The following ZNF280C variants were observed in gnomAD, a reference collection of about 807,000 sequenced individuals.
ZNF280C encodes suppressor of hairy wing homolog 3.
ZNF280C carries 14 observed loss-of-function variants against 53.6 expected under a neutral mutation model. The ratio of observed to expected loss-of-function variants is 0.26; its 90% CI spans 0.17 to 0.41. The LOEUF (loss-of-function observed/expected upper bound fraction) is 0.41. Ranked by LOEUF, ZNF280C falls within the 10% of genes least tolerant of loss-of-function variation. The pLI, the probability that ZNF280C is intolerant of heterozygous loss-of-function variation, is 1.00. For missense variants in ZNF280C, 416 were observed against 547.1 expected (o/e 0.76, Z 2.39); for synonymous variants, 203 against 181.1 (o/e 1.12, Z -0.97).
intron 1 of ZNF280C, among the ~76,000 whole-genome samples, chrX:130,265,677 G>A (rs2032680791): frequency 8.9e-6 from 1 of 112,242 alleles, no homozygotes; most frequent in African/African-American, 3.2e-5. Context: ...TGCCAAATCT[G>A]TAAGTATAAT....
chrX:130,246,522 G>GA (rs979221213), intron 3 of ZNF280C, among the ~76,000 whole-genome samples: 7 of 110,772 alleles, frequency 6.3e-5, no homozygotes, highest in Non-Finnish European at 7.6e-5. Flanking sequence ...GTTTAAGGGA[G>GA]AAAAAAAAAT....
intron 10 of ZNF280C, among the ~76,000 whole-genome samples, chrX:130,228,423 A>G (rs965244706): frequency 9.2e-6 from 1 of 109,038 alleles, no homozygotes; most frequent in African/African-American, 3.3e-5. Flanking sequence ...AGCTGGGATT[A>G]CAGGCGTGCG....
intron 13 of ZNF280C, among the ~76,000 whole-genome samples, chrX:130,219,884 C>T (rs2032145473): frequency 1.8e-5 from 2 of 109,655 alleles, no homozygotes; most frequent in South Asian, 7.8e-4. Flanking sequence ...CATCAATCAA[C>T]TAAAAAAAAC....
intron 2 of ZNF280C, among the ~76,000 whole-genome samples, chrX:130,251,621 C>T (rs921717107): frequency 9.0e-6 from 1 of 110,501 alleles, no homozygotes; most frequent in Non-Finnish European, 1.9e-5. Flanking sequence ...TGGGGCCGGG[C>T]GCGGTAGTGG....
chrX:130,230,381 A>C (rs1025290430), intron 9 of ZNF280C, 129 bp downstream of exon 9: 17 of 393,252 alleles, frequency 4.3e-5, no homozygotes, highest in Non-Finnish European at 6.6e-5. Context: ...CAACATGATA[A>C]TCTGCCACTG....
intron 12 of ZNF280C, among the ~76,000 whole-genome samples, chrX:130,222,325 CA>C (rs1261295998): frequency 1.0e-4 from 11 of 107,685 alleles, no homozygotes; most frequent in African/African-American, 2.4e-4. Context: ...CACACACACA[CA>C]CACACCCTTC....
In ZNF280C at chrX:130,229,137, A is replaced by G; in HGVS notation, c.990-3T>C. On this transcript the variant is annotated splice_region_variant and splice_polypyrimidine_tract_variant and intron_variant, in intron 9 of 18. Transcript: ENST00000370978. ...GATGTTTCATGTGGTTCATAAACCT[A>G]CAAACAATTTGCCAGTAAGAGCAAA... 2 of 1,190,660 alleles carry G rather than the reference A, an allele frequency of 1.7e-6. No homozygotes were observed. The highest frequency in any genetic ancestry group is 1.9e-5 in the South Asian group (1 of 53,187).
chrX:130,232,515 A>G (rs973151239), intron 8 of ZNF280C, among the ~76,000 whole-genome samples: 2 of 110,900 alleles, frequency 1.8e-5, no homozygotes, highest in South Asian at 7.7e-4. Context: ...CAAATACACT[A>G]ATTTAAAAAT....
chrX:130,224,110 T>A (rs758392785), intron 12 of ZNF280C, among the ~76,000 whole-genome samples: 1 of 111,892 alleles, frequency 8.9e-6, no homozygotes, highest in South Asian at 3.8e-4. Context: ...AATCCTAATT[T>A]TCAATGTAAT....
At chrX:130,211,417 G>A (rs1253858779) in intron 15 of ZNF280C, among the ~76,000 whole-genome samples, 1 of 111,918 alleles carries the variant, frequency 8.9e-6, no homozygotes, top group African/African-American at 3.2e-5. Flanking sequence ...CAATTTTGAG[G>A]GCCTGTCTTC....
At chrX:130,252,978 C>T (rs1161998437) in intron 2 of ZNF280C, among the ~76,000 whole-genome samples, 4 of 111,597 alleles carry the variant, frequency 3.6e-5, no homozygotes, top group Admixed American at 9.6e-5. Flanking sequence ...GTCAAACTAT[C>T]CCTGTTTGCA....
intron 2 of ZNF280C, among the ~76,000 whole-genome samples, chrX:130,250,250 A>G (rs1479361505): frequency 8.9e-6 from 1 of 112,074 alleles, no homozygotes; most frequent in African/African-American, 3.2e-5. Flanking sequence ...AGAGCAAACC[A>G]ATTCCAAAGC....
Position 130,205,019 on chromosome X carries a change from A to T in ZNF280C, c.2199-27T>A, listed in dbSNP as rs188097464. 1,321 of 1,011,347 alleles carry T rather than the reference A, an allele frequency of 1.3e-3. 17 individuals are homozygous for T. The African/African-American group carries it at 0.025, about 19-fold the overall frequency. 83.3% of individuals were successfully genotyped at this position (1,011,347 alleles called of 1,213,427 possible). On this transcript the variant is annotated intron_variant, in intron 18 of 18. Coordinates refer to ENST00000370978, the MANE Select transcript of ZNF280C (RefSeq NM_017666.5). ...TTTAAGAAAAAAAAAAAAAAACTTT[A>T]ATATTTTTCATTTATATTAATATTA...
chrX:130,221,482 A>C (rs2032163611), intron 12 of ZNF280C, among the ~76,000 whole-genome samples: 1 of 111,421 alleles, frequency 9.0e-6, no homozygotes, highest in Non-Finnish European at 1.9e-5. Flanking sequence ...CATGGACAAA[A>C]AGTTGAACTC....
rs35019405 is a variant in ZNF280C at position 130,204,999 on chromosome X, G to GAA, written c.2199-9_2199-8dup. ...AATCTATTTCAATGAGCAGCTTTAAGAAAAAAAAAAAAAAACTTTAATATT... is the reference window on the plus strand; with the variant it reads ...AATCTATTTCAATGAGCAGCTTTAAGAAAAAAAAAAAAAAAAACTTTAATATT... On this transcript the variant is annotated splice_polypyrimidine_tract_variant and splice_region_variant and intron_variant, in intron 18 of 18. Coordinates refer to ENST00000370978, the MANE Select transcript of ZNF280C (RefSeq NM_017666.5). The GAA allele has an allele frequency of 4.8e-3, 4,222 of 877,472 alleles. No homozygotes were observed. The highest frequency in any genetic ancestry group is 5.8e-3 in the South Asian group (144 of 24,803). 72.3% of individuals were successfully genotyped at this position (877,472 alleles called of 1,213,427 possible). A position where few individuals can be genotyped will look rare whatever the true frequency, so the allele number is the denominator to read the frequency against.
intron 12 of ZNF280C, among the ~76,000 whole-genome samples, chrX:130,222,276 C>CCACACA (rs59694150): frequency 0.094 from 6,571 of 69,797 alleles, 405 homozygotes; most frequent in African/African-American, 0.14. Context: ...CATTCAGACA[C>CCACACA]CACACACACA....
chrX:130,265,684 T>C (rs1474348929), intron 1 of ZNF280C, among the ~76,000 whole-genome samples: 1 of 112,381 alleles, frequency 8.9e-6, no homozygotes, highest in African/African-American at 3.2e-5. Context: ...TCTGTAAGTA[T>C]AATCAACCTC....
intron 2 of ZNF280C, 35 bp downstream of exon 2, chrX:130,260,384 T>C (rs779289382): frequency 7.8e-6 from 9 of 1,158,289 alleles, no homozygotes; most frequent in South Asian, 4.0e-5. Flanking sequence ...ACAAAAACCA[T>C]GCCTATTAGT....
At chrX:130,246,233 G>A (rs2032448971) in intron 3 of ZNF280C, among the ~76,000 whole-genome samples, 1 of 112,423 alleles carries the variant, frequency 8.9e-6, no homozygotes, top group South Asian at 3.6e-4. Context: ...CATTGTCCAA[G>A]TATAGTGTTG....
Sources: gnomAD v4.1 joint callset for allele counts (sites outside exome capture counted in the v4.1 genomes callset) on GRCh38, gnomAD v4.1.1 for gene constraint, MANE v1.5 for transcripts, NCBI Gene and HGNC (gene_info 2026-07-23, HGNC 2026-07-21) for gene names.